The following HMGB4 variants were observed in gnomAD, a reference collection of about 807,000 sequenced individuals.
The protein encoded by HMGB4 is high mobility group box 4, also known as high mobility group protein B4.
For missense variants in HMGB4, 217 were observed against 220.4 expected (o/e 0.98, Z 0.10); for synonymous variants, 82 against 84.9 (o/e 0.97, Z 0.19).
upstream of HMGB4, chr1:33,861,467 T>A (rs1639500714): frequency 6.6e-6 from 1 of 152,172 alleles, no homozygotes; most frequent in African/African-American, 2.4e-5. Context: ...CTGGAGGTCA[T>A]CTCATAATCT....
rs1317365625 is a variant in HMGB4, at chr1:33,864,611, C to T, written c.420C>T (p.His140=). The change falls in exon 1 of 1, where the codon CAC becomes CAT. Residue 140 remains histidine (H), a synonymous_variant. Coordinates refer to ENST00000681531, the MANE Select transcript of HMGB4 (RefSeq NM_001379301.1). ...MWSTATDLEK[H]PYEQRVALLR... is the part of the protein sequence containing the mutation. ...CAACAGCGACAGACCTGGAGAAGCA[C>T]CCTTATGAGCAAAGAGTGGCTCTCC... The T allele has an allele frequency of 6.2e-7, 1 of 1,613,960 alleles. No homozygotes were observed. The highest frequency in any genetic ancestry group is 1.7e-5 in the Admixed American group (1 of 60,004).
At chr1:33,860,785 A>C (rs1639443753), upstream of HMGB4, 1 of 152,218 alleles carries the variant, frequency 6.6e-6, no homozygotes, top group South Asian at 2.1e-4. Flanking sequence ...ACTGCCACCA[A>C]GTAAAGAGGA....
chr1:33,862,406 A>G (rs1403420015), upstream of HMGB4: 1 of 82,316 alleles, frequency 1.2e-5, no homozygotes, highest in African/African-American at 3.6e-5. Context: ...TCTGAGCCTG[A>G]GCAGAGTCTG....
At chr1:33,864,000 G>A, upstream of HMGB4, 1 of 578,114 alleles carries the variant, frequency 1.7e-6, no homozygotes, top group East Asian at 2.9e-5. Context: ...CTGGCTTGTG[G>A]ATGATGTCAC....
In HMGB4 at chr1:33,864,757, T is replaced by A. The variant is rs1328144722; in HGVS notation, c.*5T>A. 1 of 1,591,136 alleles carries A rather than the reference T, an allele frequency of 6.3e-7. No individual in the cohort carries two copies. Among genetic ancestry groups the A allele is most frequent in the East Asian group, 2.2e-5 (1 of 44,568 alleles). ...AAAAGAGTCAGGCAGAGCTGATGGA[T>A]CCAGTTTGAAAAAACAAAATGCCAT... On this transcript the variant is annotated 3_prime_UTR_variant, in exon 1 of 1. Transcript: ENST00000681531.
At chr1:33,861,862 G>A (rs188922449), upstream of HMGB4, among the ~76,000 whole-genome samples, 20 of 152,256 alleles carry the variant, frequency 1.3e-4, no homozygotes, top group Admixed American at 1.2e-3. Context: ...TTCAGTCCAG[G>A]GACACAGAAC....
upstream of HMGB4, chr1:33,862,933 A>G (rs1639654379): frequency 6.6e-6 from 1 of 152,348 alleles, no homozygotes; most frequent in Admixed American, 6.5e-5. Flanking sequence ...GTCTAGTCTT[A>G]GGCAAGTTTC....
At position 33,864,249 on chromosome 1, in the gene HMGB4, T is replaced by C; in HGVS notation, c.58T>C (p.Leu20=). 1 of 1,613,398 alleles carries C rather than the reference T, an allele frequency of 6.2e-7. No homozygotes were observed. The highest frequency in any genetic ancestry group is 1.1e-5 in the South Asian group (1 of 90,856). The part of the protein sequence containing the change: ...KANVSSYVHF[L]LNYRNKFKEQ... Reference sequence around the variant, plus strand: ...AAATGTCTCTTCTTACGTTCACTTTTTGCTGAATTACAGAAACAAATTCAA... The same window carrying C: ...AAATGTCTCTTCTTACGTTCACTTTCTGCTGAATTACAGAAACAAATTCAA... Residue 20 remains leucine (L), a synonymous_variant, in exon 1 of 1, where the codon TTG becomes CTG. Transcript: ENST00000681531.
In HMGB4 at chr1:33,864,701, C is replaced by A. The variant is rs1277765748; in HGVS notation, c.510C>A (p.Tyr170Ter). 4.3e-6 allele frequency: 7 copies of A among 1,613,172 alleles called. No homozygotes were observed. Among genetic ancestry groups the A allele is most frequent in the African/African-American group, 1.3e-5 (1 of 74,794 alleles). ...AACAATGTAATGCCAGGAAGAAGTA[C>A]CGAATGTCAGCTAGAAACCGGTGCA... ...YRKQCNARKK[Y>*]RMSARNRCRG... The change falls in exon 1 of 1, where the codon TAC becomes TAA. Residue 170 changes from tyrosine to a stop codon, truncating the protein, a stop_gained. Coordinates refer to ENST00000681531, the MANE Select transcript of HMGB4 (RefSeq NM_001379301.1). LOFTEE classifies it low-confidence loss of function (END_TRUNC).
chr1:33,863,454 T>C (rs1639698338), upstream of HMGB4: 1 of 152,082 alleles, frequency 6.6e-6, no homozygotes, highest in Non-Finnish European at 1.5e-5. Flanking sequence ...ATCTCAAGGT[T>C]CTCCCCCCTC....
chr1:33,861,640 TGGTACTTTGGTCAG>T (rs1182847570), upstream of HMGB4, among the ~76,000 whole-genome samples: 1 of 152,188 alleles, frequency 6.6e-6, no homozygotes, highest in Non-Finnish European at 1.5e-5. Context: ...GCTAAAACCA[TGGTACTTTGGTCAG>T]GGTCCCCGCA....
At chr1:33,863,992 G>A (rs996166781), upstream of HMGB4, 6 of 566,760 alleles carry the variant, frequency 1.1e-5, no homozygotes, top group Admixed American at 1.0e-4. Flanking sequence ...GGGATTGGCT[G>A]GCTTGTGGAT....
chr1:33,862,605 TC>T (rs1168942444), upstream of HMGB4: 1 of 152,042 alleles, frequency 6.6e-6, no homozygotes. Context: ...CCCAGAGTAA[TC>T]CGTTCCTTTG....
chr1:33,864,227 T>C lies in HMGB4; in HGVS notation c.36T>C (p.Asn12=). Residue 12 remains asparagine (N), a synonymous_variant, in exon 1 of 1, where the codon AAT becomes AAC. Coordinates refer to ENST00000681531, the MANE Select transcript of HMGB4 (RefSeq NM_001379301.1). ...GKEIQLKPKA[N]VSSYVHFLLN... The stretch of plus-strand genomic sequence containing the variant: ...AAATCCAGCTAAAGCCTAAGGCAAA[T>C]GTCTCTTCTTACGTTCACTTTTTGC... 6.2e-7 allele frequency: 1 copy of C among 1,610,312 alleles called. No individual in the cohort carries two copies. Among genetic ancestry groups the C allele is most frequent in the East Asian group, 2.2e-5 (1 of 44,874 alleles).
upstream of HMGB4, chr1:33,862,504 C>T (rs1329803599): frequency 6.6e-6 from 1 of 152,018 alleles, no homozygotes; most frequent in Non-Finnish European, 1.5e-5. Flanking sequence ...TCTAGGCAGC[C>T]CTGCTCATGT....
rs140191038 is a variant in HMGB4 at position 33,864,363 on chromosome 1, G to C, written c.172G>C (p.Ala58Pro). Residue 58 changes from alanine (A) to proline (P), a missense_variant, in exon 1 of 1, where the codon GCC becomes CCC. Transcript: ENST00000681531. ...GAGATCCATCTCAAAGCATGAAAAG[G>C]CCAAATATGAAGCCCTGGCCAAACT... is the stretch of plus-strand genomic sequence containing the variant. The part of the protein sequence containing the change: ...KWRSISKHEK[A>P]KYEALAKLDK... 6.2e-7 allele frequency: 1 copy of C among 1,613,978 alleles called. No individual in the cohort carries two copies. Among genetic ancestry groups the C allele is most frequent in the African/African-American group, 1.3e-5 (1 of 74,930 alleles).
upstream of HMGB4, chr1:33,863,979 G>A (rs1024992676): frequency 7.3e-6 from 4 of 548,410 alleles, no homozygotes; most frequent in South Asian, 4.8e-5. Flanking sequence ...ACAGGTGTTG[G>A]CTGGGATTGG....
At position 33,864,564 on chromosome 1, in the gene HMGB4, A is replaced by G. The variant is rs1233348832; in HGVS notation, c.373A>G (p.Lys125Glu). The G allele has an allele frequency of 6.2e-7, 1 of 1,614,092 alleles. No individual in the cohort carries two copies. The highest frequency in any genetic ancestry group is 1.1e-5 in the South Asian group (1 of 91,082). ...NPNWSVVQVAKATGKMWSTAT... is the reference protein window; with the variant it reads ...NPNWSVVQVAEATGKMWSTAT... ...GAACTGGTCGGTGGTGCAGGTGGCC[A>G]AGGCCACAGGGAAGATGTGGTCAAC... is the stretch of plus-strand genomic sequence containing the variant. The change falls in exon 1 of 1, where the codon AAG becomes GAG. Residue 125 changes from lysine (K) to glutamate (E), a missense_variant. Physicochemically the swap from Lys to Glu is moderately conservative, Grantham distance 56 (BLOSUM62 1). Transcript: ENST00000681531.
At chr1:33,863,349 T>A (rs952171659), upstream of HMGB4, 9 of 152,194 alleles carry the variant, frequency 5.9e-5, no homozygotes, top group Admixed American at 2.0e-4. Context: ...GTTCTAAACC[T>A]AAGAAATGGG....
Sources: gnomAD v4.1 joint callset for allele counts (sites outside exome capture counted in the v4.1 genomes callset) on GRCh38, gnomAD v4.1.1 for gene constraint, MANE v1.5 for transcripts, NCBI Gene and HGNC (gene_info 2026-07-23, HGNC 2026-07-21) for gene names.